Variants in SLC7A6 observed in about 807,000 individuals in gnomAD.
SLC7A6 encodes the protein solute carrier family 7 member 6, also known as Y+L amino acid transporter 2.
SLC7A6 carries 29 observed loss-of-function variants against 46.6 expected under a neutral mutation model. The ratio of observed to expected loss-of-function variants is 0.62; its 90% CI spans 0.46 to 0.85. The LOEUF is 0.85. SLC7A6 is among the 40% of genes least tolerant of loss of function. The pLI is 0.00. For synonymous variants in SLC7A6, 276 were observed against 257.3 expected (o/e 1.07, Z -0.70); for missense variants, 527 against 647.6 (o/e 0.81, Z 2.02).
At chr16:68,268,172 G>C (rs1245982750) in intron 2 of SLC7A6, among the ~76,000 whole-genome samples, 3 of 152,346 alleles carry the variant, frequency 2.0e-5, no homozygotes, top group African/African-American at 2.4e-5. Context: ...GCCCCAACTT[G>C]AAACAGTTCG....
chr16:68,296,313 G>A, intron 8 of SLC7A6, 51 bp from the exon 9 acceptor site: 1 of 1,608,656 alleles, frequency 6.2e-7, no homozygotes, highest in Non-Finnish European at 8.5e-7. Flanking sequence ...GAGTCTCCTG[G>A]GGGCGCAGGT....
At chr16:68,280,133 C>T (rs915555182) in intron 3 of SLC7A6, among the ~76,000 whole-genome samples, 1 of 152,162 alleles carries the variant, frequency 6.6e-6, no homozygotes, top group African/African-American at 2.4e-5. Context: ...AACGTGGTTT[C>T]AGGAGACATA....
In SLC7A6 at chr16:68,300,550, T is replaced by C. The variant is rs2043252197; in HGVS notation, c.*3222T>C. On this transcript the variant is annotated 3_prime_UTR_variant, in exon 11 of 11. Transcript: ENST00000219343. ...GGTATTTATAATCAATGCTGAACCTTCTATTTCACTACCGCTCCCTGTTTT... is the reference window on the plus strand; with the variant it reads ...GGTATTTATAATCAATGCTGAACCTCCTATTTCACTACCGCTCCCTGTTTT... 1.1e-6 allele frequency: 1 copy of C among 913,102 alleles called. No homozygotes were observed. The allele number at this position is 913,102 out of a possible 1,614,324, so 56.6% of individuals were successfully genotyped here.
In SLC7A6 at chr16:68,300,275, T is replaced by C. The variant is rs905977531; in HGVS notation, c.*2947T>C. 2.6e-5 allele frequency: 4 copies of C among 152,246 alleles called. No homozygotes were observed. The East Asian group carries it at 5.8e-4, about 22-fold the overall frequency. 9.4% of individuals were successfully genotyped at this position (152,246 alleles called of 1,614,324 possible). ...TACTACACAGTGCAGACACAGAACATATCATCACTGCAGATAGTTCTACTG... is the reference window on the plus strand; with the variant it reads ...TACTACACAGTGCAGACACAGAACACATCATCACTGCAGATAGTTCTACTG... On this transcript the variant is annotated 3_prime_UTR_variant, in exon 11 of 11. Transcript: ENST00000219343.
At chr16:68,265,647 T>G (rs1035530144) in intron 1 of SLC7A6, 1 of 152,152 alleles carries the variant, frequency 6.6e-6, no homozygotes, top group South Asian at 2.1e-4. Context: ...GTGAGGCCTT[T>G]TGGGGACCTG....
In SLC7A6 at chr16:68,296,935, C is replaced by T. The variant is rs568145671; in HGVS notation, c.1453+125C>T. 8.2e-5 allele frequency: 81 copies of T among 991,528 alleles called. No homozygotes were observed. The South Asian group carries it at 8.9e-4, about 11-fold the overall frequency. 61.4% of individuals were successfully genotyped at this position (991,528 alleles called of 1,614,324 possible). On this transcript the variant is annotated intron_variant, in intron 10 of 10. Transcript: ENST00000219343. ...GGAGGCCATGTGACCCAGCTGTCCA[C>T]GACTTCCCTTTTGATTTTGACATGA...
chr16:68,279,067 T>G (rs920572060), intron 3 of SLC7A6, among the ~76,000 whole-genome samples: 1 of 151,982 alleles, frequency 6.6e-6, no homozygotes, highest in Non-Finnish European at 1.5e-5. Flanking sequence ...GCATGGTAGC[T>G]CATGGCTTTT....
At chr16:68,287,219 C>A in intron 3 of SLC7A6, 1 of 792,816 alleles carries the variant, frequency 1.3e-6, no homozygotes, top group Non-Finnish European at 1.8e-6. Context: ...CTCACATGAT[C>A]CATCTGCCTC....
chr16:68,269,499 C>T (rs1283738871), intron 2 of SLC7A6, among the ~76,000 whole-genome samples: 1 of 152,058 alleles, frequency 6.6e-6, no homozygotes, highest in Admixed American at 6.6e-5. Context: ...ACGTTAGGTG[C>T]ACCAATGACT....
intron 3 of SLC7A6, among the ~76,000 whole-genome samples, chr16:68,276,228 A>T (rs1207578390): frequency 6.6e-6 from 1 of 152,216 alleles, no homozygotes; most frequent in Non-Finnish European, 1.5e-5. Context: ...AACCTGAGAG[A>T]TCTCAGTTGA....
chr16:68,296,536 G>A (rs1446418948), intron 9 of SLC7A6, 23 bp downstream of exon 9: 1 of 1,614,176 alleles, frequency 6.2e-7, no homozygotes, highest in East Asian at 2.2e-5. Context: ...GGCCAGACTA[G>A]GAGGGGTGGG....
At chr16:68,279,816 G>A (rs2042797122) in intron 3 of SLC7A6, among the ~76,000 whole-genome samples, 1 of 152,226 alleles carries the variant, frequency 6.6e-6, no homozygotes, top group African/African-American at 2.4e-5. Context: ...TGGGATCATA[G>A]GTGTGAGCCT....
chr16:68,272,259 TA>T (rs35135693), intron 2 of SLC7A6, among the ~76,000 whole-genome samples: 11 of 149,942 alleles, frequency 7.3e-5, no homozygotes, highest in African/African-American at 1.2e-4. Flanking sequence ...ACAGACAAAT[TA>T]AAAAAAAAAT....
chr16:68,270,840 G>A (rs952040788), intron 2 of SLC7A6, among the ~76,000 whole-genome samples: 2 of 150,166 alleles, frequency 1.3e-5, no homozygotes, highest in African/African-American at 4.9e-5. Context: ...TGGAAGTTGA[G>A]GACTTTCCAT....
chr16:68,273,049 G>C (rs561982429), intron 2 of SLC7A6: 69 of 152,368 alleles, frequency 4.5e-4, no homozygotes, highest in African/African-American at 1.6e-3. Flanking sequence ...GCAGAGGTAG[G>C]CTGCCTTCAC....
intron 7 of SLC7A6, among the ~76,000 whole-genome samples, chr16:68,293,545 T>C (rs2151231411): frequency 6.6e-6 from 1 of 152,316 alleles, no homozygotes; most frequent in African/African-American, 2.4e-5. Flanking sequence ...TCCAGTCTGG[T>C]GTCAAATCCC....
At chr16:68,294,323 C>G (rs1352978096) in intron 7 of SLC7A6, among the ~76,000 whole-genome samples, 10 of 152,206 alleles carry the variant, frequency 6.6e-5, no homozygotes, top group Non-Finnish European at 2.9e-5. Flanking sequence ...GAACAGAAAT[C>G]TGGCTGCCCT....
intron 7 of SLC7A6, 101 bp downstream of exon 7, chr16:68,291,762 G>GGTGGGTGTGTGTGTGTGT: frequency 1.8e-6 from 1 of 545,992 alleles, no homozygotes. Context: ...GGGCATATAG[G>GGTGGGTGTGTGTGTGTGT]GTGTGTGTGT....
chr16:68,293,405 C>T (rs2043097208), intron 7 of SLC7A6, among the ~76,000 whole-genome samples: 3 of 152,192 alleles, frequency 2.0e-5, no homozygotes. Context: ...GCCTGGGCTA[C>T]AGAGCGAGAC....
Sources: gnomAD v4.1 joint callset for allele counts (sites outside exome capture counted in the v4.1 genomes callset) on GRCh38, gnomAD v4.1.1 for gene constraint, MANE v1.5 for transcripts, NCBI Gene and HGNC (gene_info 2026-07-23, HGNC 2026-07-21) for gene names.